The following TSGA10IP variants were observed in gnomAD, a reference collection of about 807,000 sequenced individuals.
The protein encoded by TSGA10IP is testis specific 10 interacting protein, also known as testis-specific protein 10-interacting protein.
A neutral mutation model predicts 63.2 loss-of-function variants in TSGA10IP; 64 were observed. The observed-to-expected ratio is 1.01, with a 90% CI of 0.83 to 1.25. The LOEUF is 1.25. Among genes scored for constraint, TSGA10IP ranks in the 50% most tolerant of loss-of-function variants. The probability of loss-of-function intolerance (pLI) is 0.00; values close to 1 mark genes in which losing one functional copy is unlikely to be tolerated. For missense variants in TSGA10IP, 681 were observed against 710.1 expected (o/e 0.96, Z 0.47); for synonymous variants, 316 against 298.3 (o/e 1.06, Z -0.61).
intron 4 of TSGA10IP, among the ~76,000 whole-genome samples, chr11:65,952,650 C>T (rs1854960984): frequency 6.6e-6 from 1 of 150,692 alleles, no homozygotes; most frequent in Non-Finnish European, 1.5e-5. Context: ...GGGTTTAAGG[C>T]TGAAGAATGC....
rs562269609 is a variant in TSGA10IP, at chr11:65,958,878, T to C, written c.1323-5T>C. 7 of 1,611,362 alleles carry C rather than the reference T, an allele frequency of 4.3e-6. No individual in the cohort carries two copies. In the South Asian group the frequency reaches 4.4e-5, roughly 10 times the overall value. On this transcript the variant is annotated splice_polypyrimidine_tract_variant and splice_region_variant and intron_variant, in intron 5 of 7. Coordinates refer to ENST00000532620, the Ensembl canonical transcript of TSGA10IP. Reference sequence around the variant, plus strand: ...TAGCTGCACAAAGGCCTGTCTCCCCTGCAGGCGCCAGGAGCGACAGCGCTT... The same window carrying C: ...TAGCTGCACAAAGGCCTGTCTCCCCCGCAGGCGCCAGGAGCGACAGCGCTT...
Position 65,953,701 on chromosome 11 carries a change from GC to G in TSGA10IP, c.1289del (p.Pro430LeufsTer11), listed in dbSNP as rs920242216. On this transcript the variant is annotated frameshift_variant, in exon 5 of 8. Coordinates refer to ENST00000532620, the Ensembl canonical transcript of TSGA10IP. LOFTEE classifies it high-confidence loss of function. ...GCCTACGCACCCAGAGGGAGCCGGG[GC>G]CCTGGGGCGGCCCAGCGCAAGCTGG... 2 of 1,573,046 alleles carry G rather than the reference GC, an allele frequency of 1.3e-6. No homozygotes were observed. The highest frequency in any genetic ancestry group is 8.6e-7 in the Non-Finnish European group (1 of 1,165,920).
exon 3 of TSGA10IP, chr11:65,947,764 G>C (rs1234475889): frequency 1.3e-6 from 2 of 1,586,742 alleles, no homozygotes; most frequent in Non-Finnish European, 1.7e-6. Flanking sequence ...CAAGGGCCAA[G>C]GAGCTGCAGG....
intron 5 of TSGA10IP, among the ~76,000 whole-genome samples, chr11:65,956,214 C>T (rs1300431524): frequency 2.6e-5 from 4 of 151,320 alleles, no homozygotes; most frequent in Non-Finnish European, 4.4e-5. Flanking sequence ...CTCGGCTCAC[C>T]GCAACCTCTG....
At chr11:65,951,974 T>C (rs1056868769) in intron 4 of TSGA10IP, among the ~76,000 whole-genome samples, 7 of 151,862 alleles carry the variant, frequency 4.6e-5, no homozygotes, top group Admixed American at 4.6e-4. Context: ...CTCAGCCTCC[T>C]GAGTAGCTGG....
Position 65,948,112 on chromosome 11 carries a change from C to CT in TSGA10IP, c.1116dup (p.Asn373Ter), listed in dbSNP as rs769217888. The stretch of plus-strand genomic sequence containing the variant: ...GAAACTTTCGTGTCTGCCAACCTCC[C>CT]TAATCGCACCTTCCACAAACGACAG... On this transcript the variant is annotated frameshift_variant, in exon 4 of 8. Transcript: ENST00000532620. LOFTEE classifies it high-confidence loss of function. 4.7e-5 allele frequency: 76 copies of CT among 1,601,382 alleles called. No homozygotes were observed. Among genetic ancestry groups the CT allele is most frequent in the Non-Finnish European group, 6.4e-5 (75 of 1,174,226 alleles).
At position 65,959,000 on chromosome 11, in the gene TSGA10IP, G is replaced by A. The variant is rs1266489387; in HGVS notation, c.1422+18G>A. 1.2e-6 allele frequency: 2 copies of A among 1,611,476 alleles called. No individual in the cohort carries two copies. Among genetic ancestry groups the A allele is most frequent in the Non-Finnish European group, 1.7e-6 (2 of 1,178,976 alleles). On this transcript the variant is annotated intron_variant, in intron 6 of 7. Coordinates refer to ENST00000532620, the Ensembl canonical transcript of TSGA10IP. The stretch of plus-strand genomic sequence containing the variant: ...CTATGCAGGTGAGGCTGGCACCTGG[G>A]CAAGCACATAGCTGCCCCCTGTGAA...
chr11:65,953,532 T>C, intron 4 of TSGA10IP, 35 bp from the exon 5 acceptor site: 1 of 1,517,684 alleles, frequency 6.6e-7, no homozygotes, highest in Non-Finnish European at 8.8e-7. Context: ...CTGCTGCCCG[T>C]GAACCTCTCA....
intron 4 of TSGA10IP, 82 bp downstream of exon 4, chr11:65,948,230 G>T (rs752175472): frequency 2.4e-5 from 35 of 1,455,630 alleles, no homozygotes; most frequent in Non-Finnish European, 3.1e-5. Context: ...TTAGGCATTT[G>T]AACTCTCATT....
At chr11:65,958,016 C>T (rs1855054563) in intron 5 of TSGA10IP, among the ~76,000 whole-genome samples, 3 of 152,186 alleles carry the variant, frequency 2.0e-5, no homozygotes, top group African/African-American at 7.2e-5. Flanking sequence ...TGCAGTGGCA[C>T]AATCTCAGCT....
At chr11:65,957,560 A>T (rs1855045086) in intron 5 of TSGA10IP, among the ~76,000 whole-genome samples, 1 of 152,194 alleles carries the variant, frequency 6.6e-6, no homozygotes, top group South Asian at 2.1e-4. Context: ...TTTTGCAGTA[A>T]CTTGTGTTCC....
intron 6 of TSGA10IP, 45 bp from the exon 7 acceptor site, chr11:65,959,145 C>CCCCACCT: frequency 6.3e-7 from 1 of 1,590,118 alleles, no homozygotes; most frequent in Non-Finnish European, 8.6e-7. Flanking sequence ...ACCTTGCCCT[C>CCCCACCT]GGCAGCCCTG....
chr11:65,955,420 A>G (rs1226608414), intron 5 of TSGA10IP, among the ~76,000 whole-genome samples: 1 of 152,158 alleles, frequency 6.6e-6, no homozygotes, highest in Non-Finnish European at 1.5e-5. Context: ...AGCCTGGCCA[A>G]CGTAATGAAA....
At chr11:65,953,840 G>GTTAGCCCCAGGGAA in intron 5 of TSGA10IP, 103 bp downstream of exon 5, 2 of 987,992 alleles carry the variant, frequency 2.0e-6, no homozygotes, top group Non-Finnish European at 2.8e-6. Context: ...GCCTTCCCTG[G>GTTAGCCCCAGGGAA]GGCTAACCAG....
Position 65,947,036 on chromosome 11 carries a change from G to A in TSGA10IP, c.284+20G>A. 1.2e-6 allele frequency: 2 copies of A among 1,613,398 alleles called. No homozygotes were observed. Among genetic ancestry groups the A allele is most frequent in the Non-Finnish European group, 8.5e-7 (1 of 1,179,444 alleles). ...TGAAGAGTAAGCAGCAGTGGGATGG[G>A]TCAGGAGGCTGTTGGGGGTCAGGGC... On this transcript the variant is annotated intron_variant, in intron 2 of 7. Coordinates refer to ENST00000532620, the Ensembl canonical transcript of TSGA10IP.
intron 5 of TSGA10IP, among the ~76,000 whole-genome samples, chr11:65,958,503 C>G (rs1855062093): frequency 6.6e-6 from 1 of 152,126 alleles, no homozygotes; most frequent in Non-Finnish European, 1.5e-5. Context: ...CACAGCTCCC[C>G]CTCAAGGGAA....
chr11:65,946,339 A>G (rs1429941799), intron 1 of TSGA10IP, among the ~76,000 whole-genome samples: 2 of 152,092 alleles, frequency 1.3e-5, no homozygotes, highest in Non-Finnish European at 2.9e-5. Context: ...GTGTTTATGC[A>G]TGAAAGTCCT....
chr11:65,954,081 C>CGTG (rs1236960314), intron 5 of TSGA10IP, among the ~76,000 whole-genome samples: 2 of 152,062 alleles, frequency 1.3e-5, no homozygotes, highest in Non-Finnish European at 2.9e-5. Flanking sequence ...GGTGAACAGC[C>CGTG]GTGTGACCCC....
At chr11:65,955,764 C>T (rs1855014126) in intron 5 of TSGA10IP, among the ~76,000 whole-genome samples, 1 of 152,124 alleles carries the variant, frequency 6.6e-6, no homozygotes, top group Non-Finnish European at 1.5e-5. Flanking sequence ...CCTGCATAAC[C>T]CCACCGGTGA....
Sources: allele counts gnomAD v4.1 joint callset (sites outside exome capture counted in the v4.1 genomes callset), GRCh38; gene constraint gnomAD v4.1.1; transcripts MANE v1.5; gene names NCBI Gene and HGNC (gene_info 2026-07-23, HGNC 2026-07-21).